VPS54: variants seen among roughly 807,000 people sequenced by gnomAD.
VPS54 encodes the protein VPS54 subunit of GARP complex, also known as vacuolar protein sorting-associated protein 54.
Under a neutral mutation model 121.5 loss-of-function variants are expected in VPS54, and 45 were observed. The observed-to-expected ratio is 0.37, with a 90% confidence interval of 0.29 to 0.47. The LOEUF (loss-of-function observed/expected upper bound fraction) is 0.47. Ranked by LOEUF, VPS54 falls within the 20% of genes least tolerant of loss-of-function variation. The pLI is 0.99. For synonymous variants in VPS54, 371 were observed against 385.8 expected (o/e 0.96, Z 0.45); for missense variants, 1,090 against 1,131.4 (o/e 0.96, Z 0.52).
chr2:63,981,510 G>T, intron 3 of VPS54, 136 bp downstream of exon 3: 1 of 952,442 alleles, frequency 1.0e-6, no homozygotes, highest in Non-Finnish European at 1.5e-6. Flanking sequence ...TGCAACCCAG[G>T]ACAGTACAAT....
At chr2:63,984,781 A>G (rs1468809837) in intron 1 of VPS54, among the ~76,000 whole-genome samples, 6 of 152,246 alleles carry the variant, frequency 3.9e-5, no homozygotes, top group African/African-American at 1.4e-4. Context: ...GTGGAGCAAG[A>G]CAACATAATA....
chr2:63,956,687 T>G (rs1675509313), intron 7 of VPS54, among the ~76,000 whole-genome samples: 1 of 152,216 alleles, frequency 6.6e-6, no homozygotes, highest in Non-Finnish European at 1.5e-5. Flanking sequence ...AAAGTGTGGG[T>G]AACATTCCCT....
chr2:64,018,679 G>A (rs1422975719), intron 1 of VPS54, among the ~76,000 whole-genome samples: 1 of 151,336 alleles, frequency 6.6e-6, no homozygotes, highest in African/African-American at 2.4e-5. Flanking sequence ...CAAGAGCGGC[G>A]TTTGCGGTCG....
At chr2:63,902,980 CAACATAACAT>C (rs70965151) in intron 20 of VPS54, among the ~76,000 whole-genome samples, 1 of 151,420 alleles carries the variant, frequency 6.6e-6, no homozygotes, top group African/African-American at 2.4e-5. Flanking sequence ...AATAACATAA[CAACATAACAT>C]AACATAACAT....
chr2:63,960,452 C>G (rs1161441585), intron 7 of VPS54, among the ~76,000 whole-genome samples: 1 of 152,036 alleles, frequency 6.6e-6, no homozygotes, highest in Non-Finnish European at 1.5e-5. Context: ...CTTAAAATTA[C>G]TTTTCATGAG....
At chr2:64,005,089 C>CTTTTTTT (rs764515091) in intron 1 of VPS54, among the ~76,000 whole-genome samples, 611 of 44,106 alleles carry the variant, frequency 0.014, 128 homozygotes, top group Middle Eastern at 0.071. Context: ...ACTATTGCTT[C>CTTTTTTT]TTTTTTTTTT....
Position 63,916,811 on chromosome 2 carries a change from C to G in VPS54, c.2228+89G>C, listed in dbSNP as rs184038100. 82 of 1,300,468 alleles carry G rather than the reference C, an allele frequency of 6.3e-5. 1 individual carries two copies. The highest frequency in any genetic ancestry group is 3.7e-4 in the Middle Eastern group (2 of 5,362). 80.6% of individuals were successfully genotyped at this position (1,300,468 alleles called of 1,614,324 possible). A position where few individuals can be genotyped will look rare whatever the true frequency, so the allele number is the denominator to read the frequency against. On this transcript the variant is annotated intron_variant, in intron 16 of 22. Coordinates refer to ENST00000272322, the MANE Select transcript of VPS54 (RefSeq NM_016516.3). ...ATTTAACACTGTTAAAACTGTTAATCCAAAATTTCCAATTCACTTCAAGGG... is the reference window on the plus strand; with the variant it reads ...ATTTAACACTGTTAAAACTGTTAATGCAAAATTTCCAATTCACTTCAAGGG...
At chr2:63,994,510 C>T (rs1677489033) in intron 1 of VPS54, among the ~76,000 whole-genome samples, 1 of 152,152 alleles carries the variant, frequency 6.6e-6, no homozygotes, top group African/African-American at 2.4e-5. Context: ...CCCGCTCAAT[C>T]AGGAAAAGGC....
At chr2:63,935,156 C>G (rs538097108) in intron 11 of VPS54, among the ~76,000 whole-genome samples, 1 of 152,248 alleles carries the variant, frequency 6.6e-6, no homozygotes, top group Non-Finnish European at 1.5e-5. Flanking sequence ...CCAACAACCT[C>G]TTTATGAAAG....
chr2:63,940,710 GA>G, intron 11 of VPS54, among the ~76,000 whole-genome samples: 1 of 151,524 alleles, frequency 6.6e-6, no homozygotes, highest in Non-Finnish European at 1.5e-5. Flanking sequence ...CCATAACATT[GA>G]AGACTTACTG....
intron 11 of VPS54, among the ~76,000 whole-genome samples, chr2:63,939,290 T>C (rs1334600403): frequency 2.0e-5 from 3 of 152,040 alleles, no homozygotes. Context: ...GATAATCACT[T>C]GATCCTGGGA....
At chr2:63,943,690 T>C (rs1188542699) in intron 10 of VPS54, among the ~76,000 whole-genome samples, 3 of 151,184 alleles carry the variant, frequency 2.0e-5, no homozygotes, top group Non-Finnish European at 4.4e-5. Context: ...CTTAAAATAA[T>C]AGAATAGGAA....
In VPS54 at chr2:63,902,261, G is replaced by A. The variant is rs796923972; in HGVS notation, c.2626-2680C>T. On this transcript the variant is annotated intron_variant, in intron 20 of 22. Transcript: ENST00000272322. ...CTATTCTGTAGTGGAGATGTACAGA[G>A]ATGACTAAAAGATGAGGGTGAAACC... Among the ~76,000 whole-genome samples, 6 of 152,236 alleles carry A rather than the reference G, an allele frequency of 3.9e-5. 1 individual carries two copies. Among genetic ancestry groups the A allele is most frequent in the African/African-American group, 1.4e-4 (6 of 41,546 alleles).
rs751395557 is a variant in VPS54 at position 63,944,617 on chromosome 2, G to A, written c.1284C>T (p.Asp428=). The change falls in exon 10 of 23, where the codon GAC becomes GAT. Residue 428 remains aspartate (D), a synonymous_variant. Transcript: ENST00000272322. ...INKVSQTEEI[D]TDVVVKLADQ... Reference sequence around the variant, plus strand: ...ATACTTACTTCACAACAACATCTGTGTCTATTTCTTCTGTTTGTGAAACTT... The same window carrying A: ...ATACTTACTTCACAACAACATCTGTATCTATTTCTTCTGTTTGTGAAACTT... 6.2e-7 allele frequency: 1 copy of A among 1,609,986 alleles called. No homozygotes were observed. The highest frequency in any genetic ancestry group is 1.1e-5 in the South Asian group (1 of 90,400).
At chr2:63,978,272 A>G (rs1451807483) in intron 3 of VPS54, among the ~76,000 whole-genome samples, 1 of 152,186 alleles carries the variant, frequency 6.6e-6, no homozygotes, top group Non-Finnish European at 1.5e-5. Context: ...GGGTTGTAGC[A>G]CTTTAAATTC....
chr2:64,014,130 G>A (rs180917142), intron 1 of VPS54, among the ~76,000 whole-genome samples: 8 of 152,220 alleles, frequency 5.3e-5, no homozygotes, highest in Non-Finnish European at 1.0e-4. Context: ...TGGTGAGCAG[G>A]CTTACAACCC....
intron 7 of VPS54, among the ~76,000 whole-genome samples, chr2:63,960,719 T>A (rs1251098013): frequency 2.6e-5 from 4 of 152,156 alleles, no homozygotes; most frequent in African/African-American, 9.7e-5. Flanking sequence ...ATGACAAAAT[T>A]GACATTTATT....
chr2:63,918,249 T>C (rs1292012949), intron 15 of VPS54, among the ~76,000 whole-genome samples: 1 of 152,046 alleles, frequency 6.6e-6, no homozygotes, highest in Non-Finnish European at 1.5e-5. Flanking sequence ...AAGTAGTTCA[T>C]GTTTCAAACA....
rs570753576 is a variant in VPS54 at position 63,960,411 on chromosome 2, T to TGAGATTTATGTAACCCAATAAATCATAA, written c.1010+1646_1010+1647insTTATGATTTATTGGGTTACATAAATCTC. Among the ~76,000 whole-genome samples, 89 of 152,230 alleles carry TGAGATTTATGTAACCCAATAAATCATAA rather than the reference T, an allele frequency of 5.8e-4. No individual in the cohort carries two copies. In the East Asian group the frequency reaches 0.016, roughly 28 times the overall value. ...TTCTGTAACCCAATAAATCATAAAC[T>TGAGATTTATGTAACCCAATAAATCATAA]ACTGAGAATAAATAAATATCCAACC... On this transcript the variant is annotated intron_variant, in intron 7 of 22. Transcript: ENST00000272322.
Sources: gnomAD v4.1 joint callset for allele counts (sites outside exome capture counted in the v4.1 genomes callset) on GRCh38, gnomAD v4.1.1 for gene constraint, MANE v1.5 for transcripts, NCBI Gene and HGNC (gene_info 2026-07-23, HGNC 2026-07-21) for gene names.